The following CNTNAP2 variants were observed in gnomAD, a reference collection of about 807,000 sequenced individuals.
CNTNAP2 encodes contactin associated protein 2, also known as contactin-associated protein-like 2.
CNTNAP2 carries 98 observed loss-of-function variants against 155.2 expected under a neutral mutation model. The observed-to-expected ratio is 0.63, with a 90% confidence interval of 0.54 to 0.75. CNTNAP2 has a LOEUF of 0.75. CNTNAP2 is among the 30% of genes least tolerant of loss of function. The probability of loss-of-function intolerance (pLI) is 0.00; values close to 1 mark genes in which losing one functional copy is unlikely to be tolerated. For missense variants in CNTNAP2, 1,727 were observed against 1,688.1 expected (o/e 1.02, Z -0.40); for synonymous variants, 651 against 631.2 (o/e 1.03, Z -0.47).
At chr7:148,172,173 C>G in intron 17 of CNTNAP2, 69 bp from the exon 18 acceptor site, 1 of 1,491,626 alleles carries the variant, frequency 6.7e-7, no homozygotes, top group Non-Finnish European at 9.3e-7. Flanking sequence ...CACAGTTGTT[C>G]AAAATATGAA....
At chr7:148,401,108 C>T (rs963326959) in intron 22 of CNTNAP2, among the ~76,000 whole-genome samples, 11 of 152,086 alleles carry the variant, frequency 7.2e-5, no homozygotes, top group African/African-American at 2.7e-4. Context: ...TGGTTGAATC[C>T]ACAGTTGGGG....
intron 10 of CNTNAP2, among the ~76,000 whole-genome samples, chr7:147,398,309 G>T (rs1386403048): frequency 1.3e-5 from 2 of 151,600 alleles, no homozygotes; most frequent in Admixed American, 6.6e-5. Flanking sequence ...TTTCTTTTCA[G>T]ATTACCCAAA....
chr7:147,661,815 T>C (rs1428156683), intron 13 of CNTNAP2, among the ~76,000 whole-genome samples: 3 of 152,174 alleles, frequency 2.0e-5, no homozygotes, highest in Non-Finnish European at 4.4e-5. Context: ...CCTCCCAAAG[T>C]GCTGGGATTA....
At chr7:146,394,704 T>C (rs1038879425) in intron 1 of CNTNAP2, among the ~76,000 whole-genome samples, 12 of 152,184 alleles carry the variant, frequency 7.9e-5, no homozygotes, top group Admixed American at 4.6e-4. Flanking sequence ...TTTATACACC[T>C]AATATTAGTA....
At chr7:146,591,198 A>G (rs1210749057) in intron 1 of CNTNAP2, among the ~76,000 whole-genome samples, 2 of 152,194 alleles carry the variant, frequency 1.3e-5, no homozygotes, top group Non-Finnish European at 2.9e-5. Context: ...AATGATTTCT[A>G]TGTTTATACT....
At chr7:146,739,535 T>C (rs552916915) in intron 1 of CNTNAP2, among the ~76,000 whole-genome samples, 79 of 152,172 alleles carry the variant, frequency 5.2e-4, no homozygotes, top group Middle Eastern at 3.4e-3. Flanking sequence ...CTTGGTATCA[T>C]TTCAAAATTC....
intron 1 of CNTNAP2, among the ~76,000 whole-genome samples, chr7:146,576,875 A>T (rs941037684): frequency 6.6e-6 from 1 of 152,196 alleles, no homozygotes; most frequent in African/African-American, 2.4e-5. Flanking sequence ...TAGGTGTAAC[A>T]CTATATGTAG....
intron 1 of CNTNAP2, among the ~76,000 whole-genome samples, chr7:146,383,560 A>C (rs1428987603): frequency 6.6e-6 from 1 of 152,216 alleles, no homozygotes; most frequent in Non-Finnish European, 1.5e-5. Flanking sequence ...ATAATTTAAT[A>C]TAGATTCACT....
chr7:146,295,025 G>A (rs1397494336), intron 1 of CNTNAP2, among the ~76,000 whole-genome samples: 2 of 152,094 alleles, frequency 1.3e-5, no homozygotes, highest in Non-Finnish European at 2.9e-5. Flanking sequence ...TTACCATTAA[G>A]ATGAAAGTAA....
chr7:147,485,952 G>A lies in CNTNAP2; in HGVS notation c.1688G>A (p.Cys563Tyr). 1 of 1,614,008 alleles carries A rather than the reference G, an allele frequency of 6.2e-7. No individual in the cohort carries two copies. The highest frequency in any genetic ancestry group is 8.5e-7 in the Non-Finnish European group (1 of 1,179,960). ...AIIDRCVPNHCEHGGKCSQTW... is the reference protein window; with the variant it reads ...AIIDRCVPNHYEHGGKCSQTW... ...TCTGACAGATGTGTGCCCAATCACT[G>A]TGAGCATGGTGGAAAGTGCTCGCAA... The change falls in exon 11 of 24, where the codon TGT becomes TAT. Residue 563 changes from cysteine to tyrosine, a missense_variant. Physicochemically the swap from Cys to Tyr is radical, Grantham distance 194 (BLOSUM62 -2). Transcript: ENST00000361727.
At chr7:146,172,346 A>G (rs1414864451) in intron 1 of CNTNAP2, among the ~76,000 whole-genome samples, 1 of 152,044 alleles carries the variant, frequency 6.6e-6, no homozygotes, top group Non-Finnish European at 1.5e-5. Flanking sequence ...TAAATATCCT[A>G]CTGTGTACAT....
chr7:146,944,884 AAAAAG>A (rs1167233781), intron 3 of CNTNAP2, among the ~76,000 whole-genome samples: 6 of 139,826 alleles, frequency 4.3e-5, no homozygotes, highest in Admixed American at 2.8e-4. Flanking sequence ...TCTAAAAAAA[AAAAAG>A]AAAAAGAAAA....
chr7:148,313,603 G>A (rs1797635154), intron 21 of CNTNAP2, among the ~76,000 whole-genome samples: 1 of 152,114 alleles, frequency 6.6e-6, no homozygotes, highest in African/African-American at 2.4e-5. Context: ...ATATGGCTGG[G>A]GTTTGTCTCA....
intron 22 of CNTNAP2, among the ~76,000 whole-genome samples, chr7:148,391,150 G>A (rs1032838687): frequency 8.5e-5 from 13 of 152,168 alleles, no homozygotes; most frequent in African/African-American, 3.1e-4. Context: ...CAGGCTTCTG[G>A]TTAGTGCCTC....
At chr7:148,004,198 C>T (rs1317499641) in intron 15 of CNTNAP2, among the ~76,000 whole-genome samples, 1 of 152,042 alleles carries the variant, frequency 6.6e-6, no homozygotes, top group Admixed American at 6.5e-5. Context: ...TGTTTTAAAC[C>T]ATGATAAAGA....
chr7:146,759,854 C>G (rs1250789963), intron 1 of CNTNAP2, among the ~76,000 whole-genome samples: 1 of 152,046 alleles, frequency 6.6e-6, no homozygotes, highest in Admixed American at 6.6e-5. Context: ...ATTAATAAAG[C>G]CATATTTGCT....
chr7:146,572,353 T>A (rs1006211519), intron 1 of CNTNAP2, among the ~76,000 whole-genome samples: 13 of 151,574 alleles, frequency 8.6e-5, no homozygotes, highest in Admixed American at 2.6e-4. Context: ...GCCTCCTGAG[T>A]TTGAAGACTG....
intron 12 of CNTNAP2, among the ~76,000 whole-genome samples, chr7:147,584,962 T>G (rs1800589108): frequency 6.6e-6 from 1 of 152,114 alleles, no homozygotes; most frequent in Admixed American, 6.5e-5. Flanking sequence ...AGACGTTGAT[T>G]GGCATGACCC....
intron 3 of CNTNAP2, among the ~76,000 whole-genome samples, chr7:146,976,329 G>A (rs760159473): frequency 1.5e-4 from 23 of 152,066 alleles, no homozygotes; most frequent in Non-Finnish European, 1.9e-4. Flanking sequence ...CTGTCTATCT[G>A]GAGAGAGCCT....
Sources: gnomAD v4.1 joint callset for allele counts (sites outside exome capture counted in the v4.1 genomes callset) on GRCh38, gnomAD v4.1.1 for gene constraint, MANE v1.5 for transcripts, NCBI Gene and HGNC (gene_info 2026-07-23, HGNC 2026-07-21) for gene names.